The following TSPOAP1 variants were observed in gnomAD, a reference collection of about 807,000 sequenced individuals.
The protein encoded by TSPOAP1 is peripheral-type benzodiazepine receptor-associated protein 1.
TSPOAP1 carries 87 observed loss-of-function variants against 197.0 expected under a neutral mutation model. The ratio of observed to expected loss-of-function variants is 0.44; its 90% CI spans 0.37 to 0.53. The LOEUF (loss-of-function observed/expected upper bound fraction) is 0.53. Ranked by LOEUF, TSPOAP1 falls within the 20% of genes least tolerant of loss-of-function variation. The probability of loss-of-function intolerance (pLI) is 0.00; values close to 1 mark genes in which losing one functional copy is unlikely to be tolerated. For missense variants in TSPOAP1, 2,174 were observed against 2,411.3 expected, an observed-to-expected ratio of 0.90 and a Z score of 2.06; for synonymous variants, 913 against 998.9, an observed-to-expected ratio of 0.91 and a Z score of 1.62.
In TSPOAP1 at chr17:58,305,120, G is replaced by C. The variant is rs773243561; in HGVS notation, c.5485C>G (p.Pro1829Ala). 4 of 1,613,978 alleles carry C rather than the reference G, an allele frequency of 2.5e-6. No individual in the cohort carries two copies. In the East Asian group the frequency reaches 8.9e-5, roughly 36 times the overall value. ...GLVPSNFLEG[P>A]GPEAGGLDRE... ...TCCAGGCCGCCTGCCTCAGGCCCAG[G>C]GCCCTCCAGGAAGTTGGATGGAACC... Residue 1829 changes from proline to alanine, a missense_variant, in exon 30 of 32, where the codon CCT (proline) becomes GCT (alanine). By Grantham distance (27) the Pro-to-Ala change is conservative (BLOSUM62 -1). Around this residue, in one of 5 missense-constraint regions of TSPOAP1, gnomAD observed 60 missense variants for 56.2 expected, o/e 1.07. Coordinates refer to ENST00000343736, the MANE Select transcript of TSPOAP1 (RefSeq NM_004758.4).
chr17:58,304,488 G>A lies in TSPOAP1; in HGVS notation c.5545-89C>T, dbSNP rs1598053562. The A allele has an allele frequency of 2.8e-6, 3 of 1,064,798 alleles. No individual in the cohort carries two copies. Among genetic ancestry groups the A allele is most frequent in the Non-Finnish European group, 4.4e-6 (3 of 681,838 alleles). The allele number at this position is 1,064,798 out of a possible 1,614,324, so 66.0% of individuals were successfully genotyped here. A position where few individuals can be genotyped will look rare whatever the true frequency, so the allele number is the denominator to read the frequency against. On this transcript the variant is annotated intron_variant, in intron 30 of 31. Coordinates refer to ENST00000343736, the MANE Select transcript of TSPOAP1 (RefSeq NM_004758.4). The surrounding 1 kb of genome is among the most constrained non-coding windows in gnomAD (Gnocchi z 4.2). ...CACCAGGTGGCCCTGCGCAGGGGTG[G>A]GCCCTACTCTCCAAGGCCTTTGTGT...
Position 58,326,857 on chromosome 17 carries a change from T to C in TSPOAP1, c.334-67A>G. On this transcript the variant is annotated intron_variant, in intron 1 of 31. Transcript: ENST00000343736. This position sits in a 1 kb window ranked among gnomAD's most constrained non-coding sequence, Gnocchi z 4.7. Reference sequence around the variant, plus strand: ...CGTCACCCAGCCAGAGCCTTCCCTGTGGAAGCATCCACCATCCATGGTCCA... The same window carrying C: ...CGTCACCCAGCCAGAGCCTTCCCTGCGGAAGCATCCACCATCCATGGTCCA... The C allele has an allele frequency of 7.5e-7, 1 of 1,331,894 alleles. No homozygotes were observed. The highest frequency in any genetic ancestry group is 1.2e-5 in the South Asian group (1 of 84,740). The allele number at this position is 1,331,894 out of a possible 1,614,324, so 82.5% of individuals were successfully genotyped here.
intron 14 of TSPOAP1, among the ~76,000 whole-genome samples, 160 bp downstream of exon 14, chr17:58,318,109 TCCACCTGAGCG>T (rs1317430830): frequency 6.6e-6 from 1 of 151,994 alleles, no homozygotes; most frequent in African/African-American, 2.4e-5. Context: ...CAGGAAGGGC[TCCACCTGAGCG>T]CCTCGCCCAC....
chr17:58,311,138 G>A lies in TSPOAP1; in HGVS notation c.3157C>T (p.Arg1053Cys), dbSNP rs140821337. 17 of 1,608,524 alleles carry A rather than the reference G, an allele frequency of 1.1e-5. No individual in the cohort carries two copies. Among genetic ancestry groups the A allele is most frequent in the Non-Finnish European group, 1.3e-5 (15 of 1,178,248 alleles). ...LSQLQLLQVC[R>C]EVVVRTMSPH... ...GACATGGTGCGCACGACCACCTCAC[G>A]ACACACCTGCAGCAGCTGCAGCTGG... Residue 1053 changes from arginine (R) to cysteine (C), a missense_variant, in exon 19 of 32, where the codon CGT becomes TGT. This residue lies in a region of TSPOAP1 where 1,933 missense variants were observed against 2,139.0 expected (regional missense o/e 0.90). Transcript: ENST00000343736.
intron 16 of TSPOAP1, among the ~76,000 whole-genome samples, chr17:58,314,967 G>C (rs910365871): frequency 6.6e-6 from 1 of 152,224 alleles, no homozygotes; most frequent in Non-Finnish European, 1.5e-5. Context: ...ATTTATCCCA[G>C]ATCGCAGAGT....
intron 22 of TSPOAP1, 136 bp downstream of exon 22, chr17:58,308,405 G>T: frequency 7.7e-7 from 1 of 1,303,996 alleles, no homozygotes; most frequent in Non-Finnish European, 1.0e-6. Flanking sequence ...GGAGGCAGGT[G>T]AGGGAGCCCG....
At position 58,312,007 on chromosome 17, in the gene TSPOAP1, G is replaced by A. The variant is rs750611140; in HGVS notation, c.2814C>T (p.Gly938=). 13 of 1,613,252 alleles carry A rather than the reference G, an allele frequency of 8.1e-6. No individual in the cohort carries two copies. Among genetic ancestry groups the A allele is most frequent in the Admixed American group, 3.3e-5 (2 of 59,996 alleles). The change falls in exon 17 of 32, where the codon GGC becomes GGT. Residue 938 remains glycine (G), a synonymous_variant. Transcript: ENST00000343736. ...CCTCCACTTGGGCCTGATAGGGTGT[G>A]CCAGGCCGTAAGTGGCAGAAGGTGG... ...YWATFCHLRP[G]TPYQAQVEAQ...
At position 58,301,345 on chromosome 17, in the gene TSPOAP1, C is replaced by T. The variant is rs529967637; in HGVS notation, c.*1135G>A. 1 of 152,730 alleles carries T rather than the reference C, an allele frequency of 6.5e-6. No homozygotes were observed. Among genetic ancestry groups the T allele is most frequent in the Non-Finnish European group, 1.5e-5 (1 of 68,034 alleles). The allele number at this position is 152,730 out of a possible 1,614,324, so 9.5% of individuals were successfully genotyped here. A position where few individuals can be genotyped will look rare whatever the true frequency, so the allele number is the denominator to read the frequency against. ...GGGGTTCAGTCAAACTATCTCCCAC[C>T]ACAGCAAAGGAAACATGCAAAGACA... is the stretch of plus-strand genomic sequence containing the variant. On this transcript the variant is annotated 3_prime_UTR_variant, in exon 32 of 32. Coordinates refer to ENST00000343736, the MANE Select transcript of TSPOAP1 (RefSeq NM_004758.4).
At position 58,310,544 on chromosome 17, in the gene TSPOAP1, C is replaced by G; in HGVS notation, c.3667G>C (p.Asp1223His). The change falls in exon 20 of 32, where the codon GAC becomes CAC. Residue 1223 changes from aspartate to histidine, a missense_variant. Around this residue, in one of 5 missense-constraint regions of TSPOAP1, gnomAD observed 1,933 missense variants for 2,139.0 expected, o/e 0.90. Transcript: ENST00000343736. ...CTGGGCCTCAGCCCAGACCCTGGGTCTCCTCCTTGGCACATCTCGGTATTT... is the reference window on the plus strand; with the variant it reads ...CTGGGCCTCAGCCCAGACCCTGGGTGTCCTCCTTGGCACATCTCGGTATTT... ...APNTEMCQGG[D>H]PGSGLRPRAE... The G allele has an allele frequency of 7.4e-6, 12 of 1,613,508 alleles. No homozygotes were observed. Among genetic ancestry groups the G allele is most frequent in the Non-Finnish European group, 1.0e-5 (12 of 1,180,036 alleles).
rs112515148 is a variant in TSPOAP1, at chr17:58,324,559, C to T, written c.942+252G>A. Among the ~76,000 whole-genome samples, 2,459 of 152,120 alleles carry T rather than the reference C, an allele frequency of 0.016. 57 individuals are homozygous for T. The highest frequency in any genetic ancestry group is 0.054 in the African/African-American group (2,246 of 41,542). ...CTGGCAGCGCGGCAGGGGCGGCCGG[C>T]CAGGCCCCGCTGGGCGCAGGCCTAT... On this transcript the variant is annotated intron_variant, in intron 5 of 31. Coordinates refer to ENST00000343736, the MANE Select transcript of TSPOAP1 (RefSeq NM_004758.4). The surrounding 1 kb of genome is among the most constrained non-coding windows in gnomAD (Gnocchi z 5.8).
chr17:58,315,908 G>GATGGATGGATGGATGGATGA, intron 16 of TSPOAP1, 115 bp downstream of exon 16: 3 of 794,172 alleles, frequency 3.8e-6, no homozygotes, highest in Non-Finnish European at 6.5e-6. Flanking sequence ...TGGATGGATG[G>GATGGATGGATGGATGGATGA]ATGGATGGAT....
intron 22 of TSPOAP1, 91 bp downstream of exon 22, chr17:58,308,450 C>T (rs1055927124): frequency 6.8e-7 from 1 of 1,476,704 alleles, no homozygotes; most frequent in Non-Finnish European, 8.9e-7. Context: ...TGGAGGCAGG[C>T]AGCGTGGAAT....
Position 58,310,493 on chromosome 17 carries a change from T to C in TSPOAP1, c.3699+19A>G. 6.2e-7 allele frequency: 1 copy of C among 1,609,980 alleles called. No individual in the cohort carries two copies. The highest frequency in any genetic ancestry group is 8.5e-7 in the Non-Finnish European group (1 of 1,177,902). On this transcript the variant is annotated intron_variant, in intron 20 of 31. Transcript: ENST00000343736. ...GCCTCAATTCTCTGAAGTGACACAGTGTGTCCCCAAACCCCTACCTCAGCC... is the reference window on the plus strand; with the variant it reads ...GCCTCAATTCTCTGAAGTGACACAGCGTGTCCCCAAACCCCTACCTCAGCC...
At position 58,325,581 on chromosome 17, in the gene TSPOAP1, G is replaced by T. The variant is rs1421609101; in HGVS notation, c.703C>A (p.Gln235Lys). The change falls in exon 4 of 32, where the codon CAG (glutamine) becomes AAG (lysine). Residue 235 changes from glutamine to lysine, a missense_variant. Transcript: ENST00000343736. ...LAKDKQIAAL[Q>K]RECRELQARL... ...GCCTGCAGCTCCCTGCACTCCCGCT[G>T]CAAGGCAGCAATCTGCTTGTCCTTG... The T allele has an allele frequency of 6.2e-7, 1 of 1,613,270 alleles. No homozygotes were observed. Among genetic ancestry groups the T allele is most frequent in the Admixed American group, 1.7e-5 (1 of 60,020 alleles).
In TSPOAP1 at chr17:58,326,718, G is replaced by A. The variant is rs750610515; in HGVS notation, c.406C>T (p.Arg136Cys). 18 of 1,613,944 alleles carry A rather than the reference G, an allele frequency of 1.1e-5. No homozygotes were observed. The highest frequency in any genetic ancestry group is 9.9e-5 in the South Asian group (9 of 91,092). Reference sequence around the variant, plus strand: ...TTTTCCTCCTTAAGGATGGCACAGCGCTGCCGCAGCTCCCCCAGGGCCCTC... The same window carrying A: ...TTTTCCTCCTTAAGGATGGCACAGCACTGCCGCAGCTCCCCCAGGGCCCTC... ...LLRALGELRQ[R>C]CAILKEENQM... The change falls in exon 2 of 32, where the codon CGC (arginine) becomes TGC (cysteine). Residue 136 changes from arginine (R) to cysteine (C), a missense_variant. By Grantham distance (180) the Arg-to-Cys change is radical (BLOSUM62 -3). Coordinates refer to ENST00000343736, the MANE Select transcript of TSPOAP1 (RefSeq NM_004758.4). The surrounding 1 kb of genome is among the most constrained non-coding windows in gnomAD (Gnocchi z 4.7).
At chr17:58,323,151 C>T (rs1971453258) in intron 7 of TSPOAP1, 112 bp from the exon 8 acceptor site, 1 of 1,467,540 alleles carries the variant, frequency 6.8e-7, no homozygotes, top group African/African-American at 1.4e-5. Flanking sequence ...CTGCTGGAAC[C>T]TGCACCAGCC....
rs773008922 is a variant in TSPOAP1, at chr17:58,320,590, G to C, written c.1423-9C>G. 7.6e-6 allele frequency: 11 copies of C among 1,439,678 alleles called. No individual in the cohort carries two copies. Among genetic ancestry groups the C allele is most frequent in the Middle Eastern group, 1.8e-4 (1 of 5,412 alleles). 89.2% of individuals were successfully genotyped at this position (1,439,678 alleles called of 1,614,324 possible). ...TGGGCTTCAGCCTGGGCCTACAGGT[G>C]GGGGGAACCAAAATACTGGAGGGAA... On this transcript the variant is annotated splice_polypyrimidine_tract_variant and intron_variant, in intron 10 of 31. Coordinates refer to ENST00000343736, the MANE Select transcript of TSPOAP1 (RefSeq NM_004758.4).
intron 14 of TSPOAP1, among the ~76,000 whole-genome samples, chr17:58,317,572 GC>G (rs1971278551): frequency 6.6e-6 from 1 of 152,178 alleles, no homozygotes; most frequent in Non-Finnish European, 1.5e-5. Flanking sequence ...CCACGAGGGG[GC>G]AATAGAGGCC....
chr17:58,309,315 C>T lies in TSPOAP1; in HGVS notation c.3957G>A (p.Leu1319=). 6.2e-7 allele frequency: 1 copy of T among 1,613,704 alleles called. No homozygotes were observed. The highest frequency in any genetic ancestry group is 2.2e-5 in the East Asian group (1 of 44,878). Residue 1319 remains leucine (L), a synonymous_variant, in exon 22 of 32, where the codon CTG becomes CTA. Coordinates refer to ENST00000343736, the MANE Select transcript of TSPOAP1 (RefSeq NM_004758.4). This position sits in a 1 kb window ranked among gnomAD's most constrained non-coding sequence, Gnocchi z 5.0. The part of the protein sequence containing the change: ...DEEILEQILE[L]PLQQFCSKKL... ...TCTTGCTACAGAACTGCTGGAGGGG[C>T]AGCTCCAGGATCTGCTCCAAGATCT...
Sources: gnomAD v4.1 joint callset for allele counts (sites outside exome capture counted in the v4.1 genomes callset) on GRCh38, gnomAD v4.1.1 for gene constraint, gnomAD v4.1.1 regional missense constraint, Gnocchi (gnomAD v3.1) non-coding constraint, MANE v1.5 for transcripts, NCBI Gene and HGNC (gene_info 2026-07-23, HGNC 2026-07-21) for gene names.